DPF3: variants seen among roughly 807,000 people sequenced by gnomAD.
DPF3 encodes double PHD fingers 3.
In DPF3, 18 loss-of-function variants were observed where a neutral mutation model predicts 56.8. The ratio of observed to expected loss-of-function variants is 0.32; its 90% CI spans 0.22 to 0.47. The LOEUF (loss-of-function observed/expected upper bound fraction) is 0.47. Ranked by LOEUF, DPF3 falls within the 20% of genes least tolerant of loss-of-function variation. The pLI is 1.00. For synonymous variants in DPF3, 188 were observed against 180.2 expected (o/e 1.04, Z -0.35); for missense variants, 403 against 488.8 (o/e 0.82, Z 1.65).
At chr14:72,640,080 A>T (rs1176085912) in intron 8 of DPF3, among the ~76,000 whole-genome samples, 1 of 117,550 alleles carries the variant, frequency 8.5e-6, no homozygotes. Context: ...AAAAAAAAAA[A>T]TGGAAACAGC....
intron 1 of DPF3, among the ~76,000 whole-genome samples, chr14:72,881,223 T>A (rs1370388593): frequency 6.6e-6 from 1 of 152,014 alleles, no homozygotes; most frequent in Non-Finnish European, 1.5e-5. Context: ...TTTAACCAAC[T>A]CTCCAAGGCA....
rs373357375 is a variant in DPF3, at chr14:72,644,725, C to T, written c.872-14989G>A. ...AGCCTCACAAGTGTTCAAAGATTCA[C>T]GAGGCCCTTCTGGATAAGCAGTGAC... is the stretch of plus-strand genomic sequence containing the variant. On this transcript the variant is annotated intron_variant, in intron 8 of 10. Coordinates refer to ENST00000556509, the MANE Select transcript of DPF3 (RefSeq NM_001280542.3). Among the ~76,000 whole-genome samples the T allele has an allele frequency of 9.8e-5, 15 of 152,294 alleles. No homozygotes were observed. The South Asian group carries it at 3.1e-3, about 32-fold the overall frequency.
intron 8 of DPF3, among the ~76,000 whole-genome samples, chr14:72,666,528 T>C (rs1488463039): frequency 6.6e-6 from 1 of 152,212 alleles, no homozygotes; most frequent in African/African-American, 2.4e-5. Context: ...GCCTGGAACT[T>C]TAGACAAGTC....
intron 7 of DPF3, among the ~76,000 whole-genome samples, chr14:72,687,892 C>T: frequency 6.6e-6 from 1 of 151,974 alleles, no homozygotes; most frequent in Non-Finnish European, 1.5e-5. Context: ...TCTACATTTT[C>T]AACAAGGTCC....
In DPF3 at chr14:72,714,409, C is replaced by T. The variant is rs201186549; in HGVS notation, c.604+14G>A. The T allele has an allele frequency of 6.8e-4, 1,089 of 1,612,930 alleles. No homozygotes were observed. The highest frequency in any genetic ancestry group is 8.4e-4 in the Non-Finnish European group (985 of 1,179,262). On this transcript the variant is annotated intron_variant, in intron 6 of 10. Transcript: ENST00000556509. ...GCACAGGGAGGAAGGAAGGTGGGACCGGCCCATACTTACTGTCACAGACGT... is the reference window on the plus strand; with the variant it reads ...GCACAGGGAGGAAGGAAGGTGGGACTGGCCCATACTTACTGTCACAGACGT...
At chr14:72,867,181 C>T (rs1885707458) in intron 1 of DPF3, among the ~76,000 whole-genome samples, 2 of 152,084 alleles carry the variant, frequency 1.3e-5, no homozygotes, top group South Asian at 4.1e-4. Context: ...ACAGGTGTAA[C>T]AGCTTTTTAT....
intron 9 of DPF3, among the ~76,000 whole-genome samples, chr14:72,620,769 G>A (rs968254738): frequency 6.6e-6 from 1 of 152,188 alleles, no homozygotes; most frequent in African/African-American, 2.4e-5. Flanking sequence ...GCAGCCCTGT[G>A]GTACTTTCCC....
At chr14:72,750,738 G>A (rs1280638717) in intron 3 of DPF3, among the ~76,000 whole-genome samples, 5 of 121,200 alleles carry the variant, frequency 4.1e-5, no homozygotes, top group African/African-American at 1.5e-4. Flanking sequence ...AGGAGGGAAA[G>A]TCAGATAGAT....
chr14:72,769,672 C>T (rs1330871610), intron 2 of DPF3, among the ~76,000 whole-genome samples: 4 of 135,278 alleles, frequency 3.0e-5, no homozygotes, highest in African/African-American at 1.2e-4. Context: ...GAGTGAGACT[C>T]CATCTCAAAA....
rs1397677660 is a variant in DPF3 at position 72,894,049 on chromosome 14, T to G, written c.32+8A>C. 9.9e-6 allele frequency: 16 copies of G among 1,610,088 alleles called. No individual in the cohort carries two copies. Among genetic ancestry groups the G allele is most frequent in the Non-Finnish European group, 1.2e-5 (14 of 1,178,696 alleles). On this transcript the variant is annotated splice_region_variant and intron_variant, in intron 1 of 10. Coordinates refer to ENST00000556509, the MANE Select transcript of DPF3 (RefSeq NM_001280542.3). Reference sequence around the variant, plus strand: ...CGCGGAATATGTACATTTTTTAGTCTTACTTACGCTTTCAGGGGGTTGTGA... The same window carrying G: ...CGCGGAATATGTACATTTTTTAGTCGTACTTACGCTTTCAGGGGGTTGTGA...
chr14:72,761,564 A>G lies in DPF3; in HGVS notation c.194-8193T>C, dbSNP rs576952136. ...ATTTTTTAAATGAGGCTTACATAGT[A>G]TTTATGGGGAAATTATATCAGAAAA... is the stretch of plus-strand genomic sequence containing the variant. On this transcript the variant is annotated intron_variant, in intron 2 of 10. Coordinates refer to ENST00000556509, the MANE Select transcript of DPF3 (RefSeq NM_001280542.3). 7.4e-4 allele frequency among the ~76,000 whole-genome samples: 113 copies of G among 152,126 alleles called. 1 individual carries two copies. The highest frequency in any genetic ancestry group is 6.3e-3 in the Admixed American group (96 of 15,300).
chr14:72,810,759 T>A (rs1338295701), intron 1 of DPF3, among the ~76,000 whole-genome samples: 1 of 152,170 alleles, frequency 6.6e-6, no homozygotes, highest in African/African-American at 2.4e-5. Flanking sequence ...ACCTTCCCGA[T>A]CCTGGAGCTG....
intron 3 of DPF3, among the ~76,000 whole-genome samples, chr14:72,746,342 G>T (rs933285387): frequency 6.6e-6 from 1 of 152,208 alleles, no homozygotes; most frequent in Admixed American, 6.5e-5. Context: ...GCACTCCGAC[G>T]GCCTCTTCAT....
At position 72,616,064 on chromosome 14, in the gene DPF3, AG is replaced by A. The variant is rs1467140364; in HGVS notation, c.*3232del. Among the ~76,000 whole-genome samples, 1 of 152,140 alleles carries A rather than the reference AG, an allele frequency of 6.6e-6. No homozygotes were observed. Among genetic ancestry groups the A allele is most frequent in the South Asian group, 2.1e-4 (1 of 4,828 alleles). Reference sequence around the variant, plus strand: ...CAGAAAATGACAATAGCTACCATGGAGTGGGGACCATCATCATGCCAGACCC... The same window carrying A: ...CAGAAAATGACAATAGCTACCATGGATGGGGACCATCATCATGCCAGACCC... On this transcript the variant is annotated 3_prime_UTR_variant, in exon 11 of 11. Transcript: ENST00000556509.
chr14:72,694,905 T>A (rs1403671981), intron 6 of DPF3, among the ~76,000 whole-genome samples: 2 of 152,226 alleles, frequency 1.3e-5, no homozygotes, highest in Non-Finnish European at 2.9e-5. Context: ...AGTTGGTTGA[T>A]AAGGTAAATT....
In DPF3 at chr14:72,772,954, C is replaced by T. The variant is rs1891596729; in HGVS notation, c.33-1061G>A. On this transcript the variant is annotated intron_variant, in intron 1 of 10. Coordinates refer to ENST00000556509, the MANE Select transcript of DPF3 (RefSeq NM_001280542.3). ...GGAAGGGAAGGAGCCACAGAGTTCA[C>T]AGGGGCAAAAGGGAGAATCAAGTGT... is the stretch of plus-strand genomic sequence containing the variant. Among the ~76,000 whole-genome samples the T allele has an allele frequency of 3.9e-5, 6 of 152,054 alleles. No individual in the cohort carries two copies. The South Asian group carries it at 1.2e-3, about 32-fold the overall frequency.
rs542281304 is a variant in DPF3, at chr14:72,615,024, C to A, written c.*4273G>T. 1.4e-3 allele frequency among the ~76,000 whole-genome samples: 208 copies of A among 150,714 alleles called. No individual in the cohort carries two copies. The highest frequency in any genetic ancestry group is 4.7e-3 in the African/African-American group (193 of 41,192). On this transcript the variant is annotated 3_prime_UTR_variant, in exon 11 of 11. Transcript: ENST00000556509. ...TACCAGGAGCCAGGCCTGGGACTTG[C>A]GGCATCCTGTGGGAGTGTGAGCGTG...
intron 1 of DPF3, among the ~76,000 whole-genome samples, chr14:72,833,973 G>A (rs1884172791): frequency 1.3e-5 from 2 of 152,042 alleles, no homozygotes; most frequent in South Asian, 2.1e-4. Context: ...CTTGAGGCCA[G>A]GAGTTCGAAA....
intron 8 of DPF3, among the ~76,000 whole-genome samples, chr14:72,642,931 G>A (rs949711232): frequency 1.8e-4 from 27 of 152,230 alleles, no homozygotes; most frequent in African/African-American, 6.5e-4. Context: ...CTTTTCCAAG[G>A]AAGCACCTTT....
Sources: allele counts gnomAD v4.1 joint callset (sites outside exome capture counted in the v4.1 genomes callset), GRCh38; gene constraint gnomAD v4.1.1; transcripts MANE v1.5; gene names NCBI Gene and HGNC (gene_info 2026-07-23, HGNC 2026-07-21).